SIPA1L1: variants seen among roughly 807,000 people sequenced by gnomAD.
The protein encoded by SIPA1L1 is signal induced proliferation associated 1 like 1.
A neutral mutation model predicts 162.7 loss-of-function variants in SIPA1L1; 26 were observed. The observed-to-expected ratio is 0.16, with a 90% CI of 0.12 to 0.22. The LOEUF (loss-of-function observed/expected upper bound fraction) is 0.22. Among genes scored for constraint, SIPA1L1 ranks in the 10% least tolerant of loss-of-function variants. SIPA1L1 has a pLI of 1.00. For synonymous variants in SIPA1L1, 829 were observed against 837.4 expected, an observed-to-expected ratio of 0.99 and a Z score of 0.17; for missense variants, 1,874 against 2,241.0, an observed-to-expected ratio of 0.84 and a Z score of 3.31.
At chr14:71,625,494 T>C (rs1052089106) in intron 7 of SIPA1L1, among the ~76,000 whole-genome samples, 1 of 152,252 alleles carries the variant, frequency 6.6e-6, no homozygotes, top group Non-Finnish European at 1.5e-5. Context: ...TTTGCCTTTT[T>C]CTATCCATTT....
chr14:71,648,176 G>T (rs886501468), intron 7 of SIPA1L1, among the ~76,000 whole-genome samples: 10 of 152,156 alleles, frequency 6.6e-5, no homozygotes, highest in African/African-American at 2.4e-4. Context: ...TGTAATACCA[G>T]CTACTTGGGA....
At chr14:71,530,377 A>T (rs1028493448) in intron 4 of SIPA1L1, among the ~76,000 whole-genome samples, 35 of 149,908 alleles carry the variant, frequency 2.3e-4, no homozygotes, top group Admixed American at 4.0e-4. Flanking sequence ...GTCCTGATCG[A>T]CCAACTTGTG....
chr14:71,644,318 A>ATAGC (rs1265547378), intron 7 of SIPA1L1, among the ~76,000 whole-genome samples: 4 of 152,186 alleles, frequency 2.6e-5, no homozygotes, highest in African/African-American at 7.2e-5. Context: ...ATGGCTCACT[A>ATAGC]TAGCCTTGCC....
At chr14:71,330,613 G>T (rs1414597573) in intron 2 of SIPA1L1, 18 of 976,830 alleles carry the variant, frequency 1.8e-5, no homozygotes, top group Non-Finnish European at 2.7e-5. Flanking sequence ...CTTCTTCAGT[G>T]TGATGGTTTG....
At chr14:71,420,572 T>G (rs919298801) in intron 2 of SIPA1L1, among the ~76,000 whole-genome samples, 9 of 152,224 alleles carry the variant, frequency 5.9e-5, no homozygotes, top group African/African-American at 2.2e-4. Context: ...CATCCAGAAG[T>G]AACTATCTCT....
At chr14:71,630,675 C>T (rs947483671) in intron 7 of SIPA1L1, among the ~76,000 whole-genome samples, 1 of 152,068 alleles carries the variant, frequency 6.6e-6, no homozygotes, top group Non-Finnish European at 1.5e-5. Context: ...AGCAGTATGA[C>T]TATGTTTACA....
intron 2 of SIPA1L1, among the ~76,000 whole-genome samples, chr14:71,433,991 T>C (rs1323257489): frequency 6.6e-6 from 1 of 152,254 alleles, no homozygotes; most frequent in Non-Finnish European, 1.5e-5. Context: ...TGAGAATTAC[T>C]TCACTTCTCT....
chr14:71,559,832 CTT>C (rs34522690), intron 4 of SIPA1L1, among the ~76,000 whole-genome samples: 116 of 148,376 alleles, frequency 7.8e-4, no homozygotes, highest in South Asian at 3.0e-3. Context: ...ATTATATAAA[CTT>C]TTTTTTTTTT....
intron 4 of SIPA1L1, among the ~76,000 whole-genome samples, chr14:71,577,503 A>G (rs561256025): frequency 6.6e-6 from 1 of 151,986 alleles, no homozygotes; most frequent in Admixed American, 6.6e-5. Flanking sequence ...CAACCTCCCA[A>G]GTAGCTGGGA....
chr14:71,618,560 G>T (rs920608924), intron 5 of SIPA1L1, among the ~76,000 whole-genome samples, 197 bp from the exon 6 acceptor site: 31 of 152,294 alleles, frequency 2.0e-4, no homozygotes, highest in African/African-American at 7.5e-4. Context: ...CCCGTGTTCA[G>T]TGTTATCTTC....
At chr14:71,573,431 G>A (rs150435617) in intron 4 of SIPA1L1, 170 of 376,924 alleles carry the variant, frequency 4.5e-4, no homozygotes, top group African/African-American at 3.1e-3. Flanking sequence ...AGTGGGTGGC[G>A]CATCAGAAAA....
intron 2 of SIPA1L1, among the ~76,000 whole-genome samples, chr14:71,409,521 T>G (rs2042259379): frequency 6.6e-6 from 1 of 152,154 alleles, no homozygotes; most frequent in Non-Finnish European, 1.5e-5. Context: ...AAGGGAAAGG[T>G]GAAAACTAGG....
chr14:71,677,803 T>C (rs2045362002), intron 12 of SIPA1L1, among the ~76,000 whole-genome samples: 1 of 152,232 alleles, frequency 6.6e-6, no homozygotes, highest in South Asian at 2.1e-4. Context: ...GTATTATTTC[T>C]GAGGGCTCTG....
intron 2 of SIPA1L1, among the ~76,000 whole-genome samples, chr14:71,352,044 A>G (rs2036768012): frequency 6.6e-6 from 1 of 151,650 alleles, no homozygotes; most frequent in South Asian, 2.1e-4. Flanking sequence ...GGAGTATGAT[A>G]AACAGTGAGA....
intron 12 of SIPA1L1, among the ~76,000 whole-genome samples, chr14:71,676,461 A>G (rs1268934229): frequency 7.4e-6 from 1 of 135,492 alleles, no homozygotes; most frequent in South Asian, 2.5e-4. Context: ...GGTGCCAGGC[A>G]TTTTCCTTTT....
intron 7 of SIPA1L1, among the ~76,000 whole-genome samples, chr14:71,641,915 A>C (rs2041753350): frequency 6.6e-6 from 1 of 152,260 alleles, no homozygotes; most frequent in Non-Finnish European, 1.5e-5. Flanking sequence ...AAGAGGAACC[A>C]GGAGCTATTG....
rs529227348 is a variant in SIPA1L1, at chr14:71,341,188, G to A, written c.-465+20007G>A. Among the ~76,000 whole-genome samples the A allele has an allele frequency of 5.8e-4, 88 of 152,360 alleles. 1 individual carries two copies. The highest frequency in any genetic ancestry group is 1.9e-3 in the African/African-American group (78 of 41,598). On this transcript the variant is annotated intron_variant, in intron 2 of 23. Transcript: ENST00000381232. ...TTTAATATGAATAGCTAGGTGAAATGTGAATATATATAGTTAGGTGAAATA... is the reference window on the plus strand; with the variant it reads ...TTTAATATGAATAGCTAGGTGAAATATGAATATATATAGTTAGGTGAAATA...
At chr14:71,627,939 T>G (rs928078614) in intron 7 of SIPA1L1, among the ~76,000 whole-genome samples, 1 of 152,248 alleles carries the variant, frequency 6.6e-6, no homozygotes, top group Non-Finnish European at 1.5e-5. Flanking sequence ...TTTATTTTTT[T>G]AATTTCTAAC....
chr14:71,507,618 C>T (rs1288455546), intron 2 of SIPA1L1, among the ~76,000 whole-genome samples: 3 of 152,194 alleles, frequency 2.0e-5, no homozygotes, highest in East Asian at 3.8e-4. Context: ...TCTGTCTTGA[C>T]CATCTTACTC....
Sources: allele counts gnomAD v4.1 joint callset (sites outside exome capture counted in the v4.1 genomes callset), GRCh38; gene constraint gnomAD v4.1.1; transcripts MANE v1.5; gene names NCBI Gene and HGNC (gene_info 2026-07-23, HGNC 2026-07-21).